SUGCT: variants seen among roughly 807,000 people sequenced by gnomAD.
SUGCT encodes the protein succinyl-CoA:glutarate-CoA transferase.
In SUGCT, 41 loss-of-function variants were observed where a neutral mutation model predicts 55.0. That is an observed-to-expected ratio of 0.74 (90% CI 0.58 to 0.97). The LOEUF (loss-of-function observed/expected upper bound fraction) is 0.97. SUGCT is among the 50% of genes least tolerant of loss of function. SUGCT has a pLI of 0.00. For synonymous variants in SUGCT, 187 were observed against 200.4 expected, an observed-to-expected ratio of 0.93 and a Z score of 0.56; for missense variants, 568 against 547.8, an observed-to-expected ratio of 1.04 and a Z score of -0.37.
At chr7:40,298,749 T>C (rs932674941) in intron 8 of SUGCT, among the ~76,000 whole-genome samples, 3 of 151,808 alleles carry the variant, frequency 2.0e-5, no homozygotes, top group Non-Finnish European at 4.4e-5. Context: ...TTTTTTTTTT[T>C]GGGTCCAGGT....
the SUGCT span, among the ~76,000 whole-genome samples, chr7:40,910,098 C>CT: frequency 0.013 from 1,888 of 149,384 alleles, 18 homozygotes; most frequent in Non-Finnish European, 0.019. Context: ...GGTTTCTTTC[C>CT]TTTTTTTTTT....
At chr7:40,160,364 G>A (rs1784088084) in intron 1 of SUGCT, among the ~76,000 whole-genome samples, 1 of 152,182 alleles carries the variant, frequency 6.6e-6, no homozygotes, top group South Asian at 2.1e-4. Flanking sequence ...AAGTAGCTGG[G>A]ATTACAGGCA....
the SUGCT span, among the ~76,000 whole-genome samples, chr7:41,004,560 A>G: frequency 6.6e-6 from 1 of 152,180 alleles, no homozygotes. Context: ...ATGGGACATC[A>G]TGGGCACAAT....
chr7:40,855,236 A>G (rs1381876925), intron 13 of SUGCT, among the ~76,000 whole-genome samples: 2 of 150,226 alleles, frequency 1.3e-5, no homozygotes, highest in Non-Finnish European at 3.0e-5. Context: ...TCTCTTCTCT[A>G]TTCCTCATAT....
intron 12 of SUGCT, among the ~76,000 whole-genome samples, chr7:40,671,147 A>AT (rs1303038382): frequency 6.6e-6 from 1 of 152,234 alleles, no homozygotes; most frequent in Non-Finnish European, 1.5e-5. Context: ...TGAAACCCGT[A>AT]TATCAATTTG....
At chr7:40,848,400 G>A (rs1057366939) in intron 13 of SUGCT, among the ~76,000 whole-genome samples, 3 of 152,074 alleles carry the variant, frequency 2.0e-5, no homozygotes, top group Non-Finnish European at 2.9e-5. Context: ...GGGAAAAATA[G>A]CCACAGCTGT....
intron 13 of SUGCT, among the ~76,000 whole-genome samples, chr7:40,803,432 G>A (rs1450735875): frequency 6.6e-6 from 1 of 152,148 alleles, no homozygotes; most frequent in Non-Finnish European, 1.5e-5. Context: ...ATGTGAGCAT[G>A]TGGCAGAGCC....
intron 7 of SUGCT, among the ~76,000 whole-genome samples, chr7:40,262,430 C>T (rs1196223710): frequency 1.4e-5 from 2 of 146,932 alleles, no homozygotes; most frequent in African/African-American, 5.0e-5. Flanking sequence ...GTGGGCGAAT[C>T]GTGAGGTCAG....
chr7:40,335,498 C>G (rs1299591237), intron 9 of SUGCT, among the ~76,000 whole-genome samples: 1 of 151,798 alleles, frequency 6.6e-6, no homozygotes, highest in Non-Finnish European at 1.5e-5. Flanking sequence ...GTATTTTATT[C>G]TCTTTGAAGC....
rs941984948 is a variant in SUGCT, at chr7:40,854,875, G to A, written c.1154-5441G>A. On this transcript the variant is annotated intron_variant, in intron 13 of 13. Transcript: ENST00000335693. ...CCCGTGAGCCCAGGAGCTCGAGGCC[G>A]CAGTGAGCTATGATAGTGCCTTTGC... 4.6e-5 allele frequency among the ~76,000 whole-genome samples: 7 copies of A among 151,988 alleles called. 1 individual carries two copies. The South Asian group carries it at 1.0e-3, about 23-fold the overall frequency.
At chr7:40,845,198 A>G (rs1312468748) in intron 13 of SUGCT, among the ~76,000 whole-genome samples, 1 of 152,208 alleles carries the variant, frequency 6.6e-6, no homozygotes, top group Non-Finnish European at 1.5e-5. Context: ...TGCAATTAGA[A>G]AGTGAGGTAC....
At chr7:40,977,857 T>G in the SUGCT span, among the ~76,000 whole-genome samples, 1 of 152,170 alleles carries the variant, frequency 6.6e-6, no homozygotes, top group Non-Finnish European at 1.5e-5. Flanking sequence ...CTGCTATTGC[T>G]CCTGCCAGGA....
At chr7:40,491,375 G>A (rs1386556123) in intron 11 of SUGCT, among the ~76,000 whole-genome samples, 1 of 152,176 alleles carries the variant, frequency 6.6e-6, no homozygotes, top group Non-Finnish European at 1.5e-5. Flanking sequence ...TATCTAAGTT[G>A]TAAGAAATGA....
chr7:40,335,355 C>T (rs76379619), intron 9 of SUGCT, among the ~76,000 whole-genome samples: 191 of 151,084 alleles, frequency 1.3e-3, no homozygotes, highest in Middle Eastern at 6.8e-3. Context: ...GCCATTTTCA[C>T]GATATTGATT....
the SUGCT span, among the ~76,000 whole-genome samples, chr7:41,000,972 A>G: frequency 6.6e-6 from 1 of 152,136 alleles, no homozygotes; most frequent in Non-Finnish European, 1.5e-5. Context: ...GAAAAGAAAC[A>G]TGTTTAAGAG....
At chr7:40,257,602 G>A (rs1246307830) in intron 7 of SUGCT, among the ~76,000 whole-genome samples, 2 of 152,226 alleles carry the variant, frequency 1.3e-5, no homozygotes, top group Admixed American at 6.5e-5. Context: ...AAGACTGGGT[G>A]TGGTGGCTTA....
At chr7:40,162,313 A>T (rs182688458) in intron 1 of SUGCT, among the ~76,000 whole-genome samples, 6 of 152,336 alleles carry the variant, frequency 3.9e-5, no homozygotes, top group Admixed American at 3.9e-4. Flanking sequence ...AGGTGAGAAT[A>T]AGATCTGGGA....
At chr7:40,362,211 G>A (rs949238661) in intron 9 of SUGCT, among the ~76,000 whole-genome samples, 4 of 152,204 alleles carry the variant, frequency 2.6e-5, no homozygotes, top group Non-Finnish European at 5.9e-5. Context: ...CTGAGGTCAG[G>A]AGTTCGAGAC....
the SUGCT span, among the ~76,000 whole-genome samples, chr7:40,919,135 C>G: frequency 1.3e-5 from 2 of 152,174 alleles, no homozygotes; most frequent in African/African-American, 2.4e-5. Flanking sequence ...GAATCACATG[C>G]CTTTAACCAC....
Sources: gnomAD v4.1 joint callset for allele counts (sites outside exome capture counted in the v4.1 genomes callset) on GRCh38, gnomAD v4.1.1 for gene constraint, MANE v1.5 for transcripts, NCBI Gene and HGNC (gene_info 2026-07-23, HGNC 2026-07-21) for gene names.